Variants in SPTLC3 observed in about 807,000 individuals in gnomAD.
The protein encoded by SPTLC3 is serine palmitoyltransferase long chain base subunit 3.
SPTLC3 carries 36 observed loss-of-function variants against 59.3 expected under a neutral mutation model. The ratio of observed to expected loss-of-function variants is 0.61; its 90% CI spans 0.47 to 0.80. The LOEUF is 0.80. Among genes scored for constraint, SPTLC3 ranks in the 30% least tolerant of loss-of-function variants. The probability of loss-of-function intolerance (pLI) is 0.00; values close to 1 mark genes in which losing one functional copy is unlikely to be tolerated. For synonymous variants in SPTLC3, 257 were observed against 240.8 expected, an observed-to-expected ratio of 1.07 and a Z score of -0.62; for missense variants, 625 against 685.1, an observed-to-expected ratio of 0.91 and a Z score of 0.98.
chr20:13,072,463 T>C, intron 3 of SPTLC3, 53 bp downstream of exon 3: 1 of 1,475,730 alleles, frequency 6.8e-7, no homozygotes, highest in Non-Finnish European at 9.1e-7. Flanking sequence ...TTCAAGGAAA[T>C]CCTAGCATGG....
intron 9 of SPTLC3, among the ~76,000 whole-genome samples, chr20:13,140,902 A>G (rs1319830283): frequency 6.6e-6 from 1 of 152,202 alleles, no homozygotes; most frequent in Non-Finnish European, 1.5e-5. Context: ...GTGAAATTTT[A>G]TCATGAGATT....
rs1273501917 is a variant in SPTLC3 at position 13,048,893 on chromosome 20, G to T, written c.118-52G>T. 16 of 1,466,418 alleles carry T rather than the reference G, an allele frequency of 1.1e-5. No homozygotes were observed. The East Asian group carries it at 3.5e-4, about 32-fold the overall frequency. 90.8% of individuals were successfully genotyped at this position (1,466,418 alleles called of 1,614,324 possible). On this transcript the variant is annotated intron_variant, in intron 1 of 11. Coordinates refer to ENST00000399002, the MANE Select transcript of SPTLC3 (RefSeq NM_018327.4). ...AAAGTTCACAATTTTAGGTATCATAGTATATCTGTAACAGGAGAATGCTAA... is the reference window on the plus strand; with the variant it reads ...AAAGTTCACAATTTTAGGTATCATATTATATCTGTAACAGGAGAATGCTAA...
intron 8 of SPTLC3, among the ~76,000 whole-genome samples, chr20:13,123,684 G>A (rs776158144): frequency 6.6e-6 from 1 of 152,120 alleles, no homozygotes; most frequent in Admixed American, 6.5e-5. Flanking sequence ...TCCATTCTAT[G>A]CCCATAAGAT....
chr20:13,022,048 T>C (rs2327444), intron 1 of SPTLC3, among the ~76,000 whole-genome samples: 87 of 152,332 alleles, frequency 5.7e-4, no homozygotes, highest in African/African-American at 1.9e-3. Flanking sequence ...TCAAACTTAA[T>C]ATGTACCAAA....
chr20:13,118,128 A>T (rs1405277633), intron 8 of SPTLC3, among the ~76,000 whole-genome samples: 1 of 152,214 alleles, frequency 6.6e-6, no homozygotes, highest in Admixed American at 6.5e-5. Context: ...GTGATAAGGG[A>T]TGTTCTGAAA....
intron 1 of SPTLC3, among the ~76,000 whole-genome samples, chr20:13,047,628 TTTAC>T (rs1159004670): frequency 6.6e-6 from 1 of 152,114 alleles, no homozygotes; most frequent in Non-Finnish European, 1.5e-5. Flanking sequence ...GAGATACGTA[TTTAC>T]TAATCAATTG....
chr20:13,067,327 C>A (rs1208793097), intron 2 of SPTLC3, among the ~76,000 whole-genome samples: 1 of 152,042 alleles, frequency 6.6e-6, no homozygotes, highest in African/African-American at 2.4e-5. Context: ...TCTACCCTCA[C>A]CTTGAATGTC....
intron 2 of SPTLC3, among the ~76,000 whole-genome samples, chr20:13,051,815 T>C (rs1412861136): frequency 6.6e-6 from 1 of 152,086 alleles, no homozygotes; most frequent in Admixed American, 6.6e-5. Context: ...ACATGGAAAT[T>C]AAATAACCTG....
intron 6 of SPTLC3, among the ~76,000 whole-genome samples, chr20:13,108,122 C>G (rs1990008334): frequency 6.6e-6 from 1 of 152,102 alleles, no homozygotes; most frequent in Non-Finnish European, 1.5e-5. Context: ...TTGGAAGGTG[C>G]CATGCTAACA....
intron 1 of SPTLC3, among the ~76,000 whole-genome samples, chr20:13,028,304 A>T (rs1258503459): frequency 6.6e-6 from 1 of 152,192 alleles, no homozygotes; most frequent in Non-Finnish European, 1.5e-5. Flanking sequence ...ACAAAGTGTG[A>T]AAGCTCAGGG....
intron 2 of SPTLC3, among the ~76,000 whole-genome samples, chr20:13,061,797 A>T (rs139864586): frequency 1.3e-5 from 2 of 152,210 alleles, no homozygotes; most frequent in African/African-American, 2.4e-5. Flanking sequence ...CTCACCTCAG[A>T]TGTACCCTGC....
At chr20:13,107,848 A>G (rs1172390235) in intron 6 of SPTLC3, among the ~76,000 whole-genome samples, 1 of 150,924 alleles carries the variant, frequency 6.6e-6, no homozygotes, top group Non-Finnish European at 1.5e-5. Context: ...GTAGCATACT[A>G]TATCTAATAC....
chr20:13,132,171 ATTTTTTTTT>A (rs35718222), intron 9 of SPTLC3, among the ~76,000 whole-genome samples: 1 of 104,000 alleles, frequency 9.6e-6, no homozygotes, highest in East Asian at 2.7e-4. Flanking sequence ...CCTTGCTTTA[ATTTTTTTTT>A]TTTTTTTTTT....
intron 9 of SPTLC3, among the ~76,000 whole-genome samples, chr20:13,142,540 G>A: frequency 6.6e-6 from 1 of 152,188 alleles, no homozygotes; most frequent in Non-Finnish European, 1.5e-5. Context: ...CAGTGTGTGG[G>A]TCTGGGCTAG....
chr20:13,117,871 C>A (rs1158648292), intron 8 of SPTLC3, 146 bp downstream of exon 8: 2 of 670,720 alleles, frequency 3.0e-6, no homozygotes, highest in Non-Finnish European at 4.9e-6. Flanking sequence ...GGGTTCACAG[C>A]CAGATAAGGC....
rs140115685 is a variant in SPTLC3 at position 13,137,703 on chromosome 20, C to G, written c.1279+10986C>G. On this transcript the variant is annotated intron_variant, in intron 9 of 11. Coordinates refer to ENST00000399002, the MANE Select transcript of SPTLC3 (RefSeq NM_018327.4). ...ATGTTTAAAAACATAGATAAGTAAA[C>G]AGCTGTTGCTGATTAAATTGTTCTT... Among the ~76,000 whole-genome samples the G allele has an allele frequency of 1.2e-3, 184 of 152,252 alleles. No individual in the cohort carries two copies. The Middle Eastern group carries it at 0.014, about 11-fold the overall frequency.
intron 9 of SPTLC3, among the ~76,000 whole-genome samples, chr20:13,139,872 G>A (rs1371955006): frequency 6.6e-6 from 1 of 152,156 alleles, no homozygotes; most frequent in Non-Finnish European, 1.5e-5. Flanking sequence ...AAAGTCTAAA[G>A]GACTGAATAT....
intron 2 of SPTLC3, among the ~76,000 whole-genome samples, chr20:13,069,354 G>A (rs577393573): frequency 1.5e-4 from 23 of 152,284 alleles, no homozygotes; most frequent in Middle Eastern, 3.4e-3. Flanking sequence ...TAAAACAGCA[G>A]TCCCCGATCT....
intron 4 of SPTLC3, among the ~76,000 whole-genome samples, chr20:13,076,524 A>T (rs1032348350): frequency 2.1e-5 from 2 of 96,180 alleles, no homozygotes; most frequent in African/African-American, 1.0e-4. Context: ...GTTCCAGGGG[A>T]AAAAGGAAAA....
Sources: allele counts gnomAD v4.1 joint callset (sites outside exome capture counted in the v4.1 genomes callset), GRCh38; gene constraint gnomAD v4.1.1; transcripts MANE v1.5; gene names NCBI Gene and HGNC (gene_info 2026-07-23, HGNC 2026-07-21).